Variants in NAV1 observed in about 807,000 individuals in gnomAD.
NAV1 encodes pore membrane and/or filament interacting like protein 3.
NAV1 carries 18 observed loss-of-function variants against 175.2 expected under a neutral mutation model. That is an observed-to-expected ratio of 0.10 (90% confidence interval 0.07 to 0.15). The LOEUF (loss-of-function observed/expected upper bound fraction) is 0.15, where lower values mean the gene tolerates loss of function less well. NAV1 is among the 10% of genes least tolerant of loss of function. The pLI is 1.00. For synonymous variants in NAV1, 897 were observed against 978.7 expected (o/e 0.92, Z 1.56); for missense variants, 1,731 against 2,436.6 (o/e 0.71, Z 6.10).
intron 1 of NAV1, among the ~76,000 whole-genome samples, chr1:201,558,108 G>C (rs1274095849): frequency 6.6e-6 from 1 of 152,214 alleles, no homozygotes; most frequent in African/African-American, 2.4e-5. Flanking sequence ...TAGGAGCCAA[G>C]GGAAAGCTTT....
At position 201,807,717 on chromosome 1, in the gene NAV1, G is replaced by A. The variant is rs1339309226; in HGVS notation, c.3649-236G>A. Among the ~76,000 whole-genome samples the A allele has an allele frequency of 6.6e-6, 1 of 152,166 alleles. No homozygotes were observed. The highest frequency in any genetic ancestry group is 1.5e-5 in the Non-Finnish European group (1 of 68,028). On this transcript the variant is annotated intron_variant, in intron 17 of 29. Coordinates refer to ENST00000367296, the Ensembl canonical transcript of NAV1. The surrounding 1 kb of genome is among the most constrained non-coding windows in gnomAD (Gnocchi z 5.4). ...GAGATGGAGTCTCACTCTGTTGCCA[G>A]GCTGGAGTGCAGTGGCTCGATCTCA...
At chr1:201,729,613 A>C (rs1282646693) in intron 3 of NAV1, among the ~76,000 whole-genome samples, 1 of 151,210 alleles carries the variant, frequency 6.6e-6, no homozygotes, top group African/African-American at 2.4e-5. Flanking sequence ...ATCTTAAAAA[A>C]TAACACTTGG....
intron 2 of NAV1, among the ~76,000 whole-genome samples, chr1:201,609,009 G>A (rs187141535): frequency 1.3e-5 from 2 of 152,216 alleles, no homozygotes; most frequent in African/African-American, 4.8e-5. Context: ...CAATGGGACT[G>A]GAATGATCTT....
At chr1:201,709,362 A>G (rs1479162664) in intron 1 of NAV1, among the ~76,000 whole-genome samples, 1 of 152,134 alleles carries the variant, frequency 6.6e-6, no homozygotes, top group Non-Finnish European at 1.5e-5. Context: ...TCCCTTGGAA[A>G]TGTAACTTAC....
At chr1:201,745,251 C>A (rs77445009) in intron 3 of NAV1, among the ~76,000 whole-genome samples, 1,871 of 152,298 alleles carry the variant, frequency 0.012, 35 homozygotes, top group African/African-American at 0.042. Flanking sequence ...AAATATCCCT[C>A]CCACACACAT....
intron 13 of NAV1, chr1:201,791,718 T>C (rs1449000478): frequency 6.6e-6 from 1 of 152,236 alleles, no homozygotes; most frequent in Non-Finnish European, 1.5e-5. Flanking sequence ...ATTCTGAATG[T>C]TTCCAACACA....
intron 2 of NAV1, among the ~76,000 whole-genome samples, chr1:201,615,485 G>T (rs1311206882): frequency 6.6e-6 from 1 of 151,976 alleles, no homozygotes; most frequent in Non-Finnish European, 1.5e-5. Flanking sequence ...GGCTGGTTTT[G>T]AACCCCTGAC....
At chr1:201,555,148 A>G (rs1271920316) in intron 1 of NAV1, among the ~76,000 whole-genome samples, 2 of 152,174 alleles carry the variant, frequency 1.3e-5, no homozygotes, top group Admixed American at 6.5e-5. Flanking sequence ...TACTTCTTCA[A>G]TGACCCTATT....
At chr1:201,689,255 A>G (rs180971070) in intron 1 of NAV1, among the ~76,000 whole-genome samples, 3 of 152,372 alleles carry the variant, frequency 2.0e-5, no homozygotes, top group Middle Eastern at 3.4e-3. Context: ...TGCACAAATT[A>G]TAGGATACGA....
Position 201,780,293 on chromosome 1 carries a change from C to T in NAV1, c.1227-128C>T, listed in dbSNP as rs993944352. The T allele has an allele frequency of 6.8e-6, 7 of 1,036,962 alleles. No homozygotes were observed. The Admixed American group carries it at 1.6e-4, about 24-fold the overall frequency. 64.2% of individuals were successfully genotyped at this position (1,036,962 alleles called of 1,614,324 possible). A position where few individuals can be genotyped will look rare whatever the true frequency, so the allele number is the denominator to read the frequency against. On this transcript the variant is annotated intron_variant, in intron 3 of 29. Transcript: ENST00000367296. The stretch of plus-strand genomic sequence containing the variant: ...GAGTTGCTGACAAACCTAGGACAAA[C>T]CCCCAGGTTTTCTCCTTTTGGCTAG...
chr1:201,615,263 C>CTTTTTTTTTTTTTT (rs1256633287), intron 2 of NAV1, among the ~76,000 whole-genome samples: 1 of 145,024 alleles, frequency 6.9e-6, no homozygotes, highest in African/African-American at 2.7e-5. Flanking sequence ...TTCTTTCTTT[C>CTTTTTTTTTTTTTT]TTTCTTTTTT....
At chr1:201,611,795 G>A (rs1435326253) in intron 2 of NAV1, among the ~76,000 whole-genome samples, 1 of 152,186 alleles carries the variant, frequency 6.6e-6, no homozygotes, top group African/African-American at 2.4e-5. Context: ...AGGATCGGAG[G>A]ACACAGAGCA....
chr1:201,774,830 TA>T (rs1266214828), intron 3 of NAV1, among the ~76,000 whole-genome samples: 4 of 152,234 alleles, frequency 2.6e-5, no homozygotes, highest in South Asian at 2.1e-4. Flanking sequence ...TCATAAGTCA[TA>T]AAACCACAAA....
At chr1:201,739,774 A>G (rs1171528551) in intron 3 of NAV1, 2 of 1,212,292 alleles carry the variant, frequency 1.6e-6, no homozygotes, top group Admixed American at 4.4e-5. Flanking sequence ...CGCAGCCTGC[A>G]TCGCCGGGGC....
exon 30 of NAV1, chr1:201,821,007 G>C (rs1679348416): frequency 6.6e-6 from 1 of 152,078 alleles, no homozygotes; most frequent in Admixed American, 6.5e-5. Flanking sequence ...TGAAGCATTG[G>C]CTCAGAAGTA....
At chr1:201,582,767 G>A (rs1571832036) in intron 1 of NAV1, among the ~76,000 whole-genome samples, 1 of 152,220 alleles carries the variant, frequency 6.6e-6, no homozygotes, top group South Asian at 2.1e-4. Flanking sequence ...GAGCACTGGG[G>A]ACCTAGTGAA....
At chr1:201,561,826 G>A (rs1666208860) in intron 1 of NAV1, among the ~76,000 whole-genome samples, 1 of 152,180 alleles carries the variant, frequency 6.6e-6, no homozygotes, top group Non-Finnish European at 1.5e-5. Context: ...ACTCCCTGCA[G>A]GCTGGGGCTC....
chr1:201,710,920 C>A (rs1292323957), intron 1 of NAV1, among the ~76,000 whole-genome samples: 1 of 152,166 alleles, frequency 6.6e-6, no homozygotes, highest in African/African-American at 2.4e-5. Flanking sequence ...GTGCCTGTCC[C>A]TCATGTCTGC....
chr1:201,734,703 AAC>A (rs954796726), intron 3 of NAV1, among the ~76,000 whole-genome samples: 12 of 151,904 alleles, frequency 7.9e-5, no homozygotes, highest in Admixed American at 3.9e-4. Context: ...TACACACACA[AAC>A]ACACACACAC....
Sources: allele counts gnomAD v4.1 joint callset (sites outside exome capture counted in the v4.1 genomes callset), GRCh38; gene constraint gnomAD v4.1.1; non-coding constraint Gnocchi (gnomAD v3.1); transcripts MANE v1.5; gene names NCBI Gene and HGNC (gene_info 2026-07-23, HGNC 2026-07-21).